The following ACBD3 variants were observed in gnomAD, a reference collection of about 807,000 sequenced individuals.
ACBD3 encodes acyl-CoA binding domain containing 3, also known as Golgi resident protein GCP60.
Under a neutral mutation model 66.9 loss-of-function variants are expected in ACBD3, and 30 were observed. That is an observed-to-expected ratio of 0.45 (90% CI 0.34 to 0.61). The LOEUF (loss-of-function observed/expected upper bound fraction) is 0.61, where lower values mean the gene tolerates loss of function less well. ACBD3 is among the 20% of genes least tolerant of loss of function. The pLI, the probability that ACBD3 is intolerant of heterozygous loss-of-function variation, is 0.02. For synonymous variants in ACBD3, 278 were observed against 259.8 expected (o/e 1.07, Z -0.68); for missense variants, 544 against 664.5 (o/e 0.82, Z 1.99).
chr1:226,149,544 T>A (rs1392158727), intron 7 of ACBD3, among the ~76,000 whole-genome samples: 1 of 116,210 alleles, frequency 8.6e-6, no homozygotes, highest in South Asian at 3.0e-4. Flanking sequence ...TTTTTTTTTT[T>A]TTTTTTTTTT....
chr1:226,169,202 G>C (rs1659937204), intron 1 of ACBD3, among the ~76,000 whole-genome samples: 2 of 151,772 alleles, frequency 1.3e-5, no homozygotes, highest in South Asian at 4.2e-4. Context: ...TTGAAAAATA[G>C]CTCCAGCTCC....
chr1:226,186,074 G>T (rs866745010), intron 1 of ACBD3, among the ~76,000 whole-genome samples: 17 of 152,350 alleles, frequency 1.1e-4, no homozygotes, highest in African/African-American at 3.4e-4. Context: ...GGATCCTTTG[G>T]AAGAAAGTGG....
chr1:226,186,567 G>T lies in ACBD3; in HGVS notation c.109C>A (p.Pro37Thr). ...GGTGGCGAGGGCGGTGGCAGCGGTG[G>T]CGGCAGCAGCGGGGCGCCCTCCGCC... Reference protein sequence around the residue: ...PGAEGAPLLPPPLPPPSPPGS... With the variant: ...PGAEGAPLLPTPLPPPSPPGS... The change falls in exon 1 of 8, where the codon CCA (proline) becomes ACA (threonine). Residue 37 changes from proline to threonine, a missense_variant. Physicochemically the swap from Pro to Thr is conservative, Grantham distance 38. This residue lies in a region of ACBD3 where 137 missense variants were observed against 145.9 expected (regional missense o/e 0.94). Coordinates refer to ENST00000366812, the MANE Select transcript of ACBD3 (RefSeq NM_022735.4). The T allele has an allele frequency of 7.4e-7, 1 of 1,360,340 alleles. No homozygotes were observed. Among genetic ancestry groups the T allele is most frequent in the South Asian group, 1.8e-5 (1 of 54,652 alleles). 84.3% of individuals were successfully genotyped at this position (1,360,340 alleles called of 1,614,324 possible).
chr1:226,160,618 C>T (rs1659753844), intron 4 of ACBD3, among the ~76,000 whole-genome samples: 1 of 152,210 alleles, frequency 6.6e-6, no homozygotes, highest in African/African-American at 2.4e-5. Context: ...TTCTGAGGAA[C>T]TACCCAGAAA....
At chr1:226,160,841 G>T (rs901871305) in intron 4 of ACBD3, among the ~76,000 whole-genome samples, 2 of 152,150 alleles carry the variant, frequency 1.3e-5, no homozygotes, top group African/African-American at 4.8e-5. Context: ...TTGTACTAAG[G>T]ACTATAAATG....
chr1:226,166,265 C>T (rs1303969766), intron 1 of ACBD3, among the ~76,000 whole-genome samples: 2 of 151,906 alleles, frequency 1.3e-5, no homozygotes, highest in Non-Finnish European at 2.9e-5. Flanking sequence ...AAATGACCCT[C>T]CCACCTCAGC....
At chr1:226,182,242 A>T (rs1469084051) in intron 1 of ACBD3, among the ~76,000 whole-genome samples, 2 of 150,680 alleles carry the variant, frequency 1.3e-5, no homozygotes, top group Non-Finnish European at 3.0e-5. Flanking sequence ...AAAAAAAAAG[A>T]ATTGAGCAAC....
At position 226,149,149 on chromosome 1, in the gene ACBD3, C is replaced by A. The variant is rs996137948; in HGVS notation, c.1376-2328G>T. On this transcript the variant is annotated intron_variant, in intron 7 of 7. Coordinates refer to ENST00000366812, the MANE Select transcript of ACBD3 (RefSeq NM_022735.4). ...CTAGGCAGTAACCACCTTTTAGAAG[C>A]TCTCTAATAGGCAAGCCAGGAGAAA... Among the ~76,000 whole-genome samples the A allele has an allele frequency of 8.5e-5, 13 of 152,262 alleles. No individual in the cohort carries two copies. In the South Asian group the frequency reaches 1.0e-3, roughly 12 times the overall value.
intron 3 of ACBD3, among the ~76,000 whole-genome samples, chr1:226,162,822 G>C (rs368475913): frequency 6.7e-6 from 1 of 150,046 alleles, no homozygotes; most frequent in African/African-American, 2.5e-5. Context: ...TTTGAGACAG[G>C]GTCTCACTCT....
intron 5 of ACBD3, among the ~76,000 whole-genome samples, chr1:226,158,367 T>C (rs1319846320): frequency 2.6e-5 from 4 of 152,244 alleles, no homozygotes; most frequent in Non-Finnish European, 4.4e-5. Flanking sequence ...AGGTATTTTA[T>C]GCCTGCACAA....
chr1:226,173,757 C>CTTT lies in ACBD3; in HGVS notation c.287-7760_287-7758dup, dbSNP rs145462202. Among the ~76,000 whole-genome samples the CTTT allele has an allele frequency of 3.9e-3, 342 of 88,308 alleles. 6 individuals carry two copies. The highest frequency in any genetic ancestry group is 8.3e-3 in the Middle Eastern group (1 of 120). The allele number at this position is 88,308 out of a possible 152,430, so 57.9% of individuals were successfully genotyped here. On this transcript the variant is annotated intron_variant, in intron 1 of 7. Coordinates refer to ENST00000366812, the MANE Select transcript of ACBD3 (RefSeq NM_022735.4). ...TAATTTTCTTCTTTTTTTTTCTTTT[C>CTTT]TTTTTTTTTTTTTTTTTTTTTGAGA...
intron 4 of ACBD3, among the ~76,000 whole-genome samples, chr1:226,161,299 C>T (rs1050621398): frequency 1.3e-5 from 2 of 152,006 alleles, no homozygotes; most frequent in African/African-American, 4.8e-5. Flanking sequence ...CCACTGCGCC[C>T]AGCTAATTTT....
At position 226,161,588 on chromosome 1, in the gene ACBD3, C is replaced by T. The variant is rs767804126; in HGVS notation, c.671G>A (p.Arg224Gln). The change falls in exon 4 of 8, where the codon CGG (arginine) becomes CAG (glutamine). Residue 224 changes from arginine to glutamine, a missense_variant. By Grantham distance (43) the Arg-to-Gln change is conservative (BLOSUM62 1). This residue lies in a region of ACBD3 where 383 missense variants were observed against 462.4 expected (regional missense o/e 0.83). Coordinates refer to ENST00000366812, the MANE Select transcript of ACBD3 (RefSeq NM_022735.4). ...TATCCGTCTCCTTTCCTCTTCCTCC[C>T]GTCGAAGCCTTTCCTCTTCTTCTCT... ...RRREEEERLRREEEERRRIEE... is the reference protein window; with the variant it reads ...RRREEEERLRQEEEERRRIEE... The T allele has an allele frequency of 8.7e-6, 14 of 1,613,964 alleles. No homozygotes were observed. Among genetic ancestry groups the T allele is most frequent in the East Asian group, 2.2e-5 (1 of 44,896 alleles).
chr1:226,180,975 G>A (rs1240066285), intron 1 of ACBD3, among the ~76,000 whole-genome samples: 5 of 149,898 alleles, frequency 3.3e-5, no homozygotes, highest in Non-Finnish European at 5.9e-5. Context: ...CTCCAGCCTC[G>A]GTGACAGAAT....
At chr1:226,159,076 T>TA in intron 5 of ACBD3, 108 bp downstream of exon 5, 1 of 1,283,784 alleles carries the variant, frequency 7.8e-7, no homozygotes, top group Non-Finnish European at 1.1e-6. Flanking sequence ...CTTTACACCT[T>TA]AGAGGCTAAC....
Position 226,152,432 on chromosome 1 carries a change from G to A in ACBD3, c.1278C>T (p.Asp426=), listed in dbSNP as rs149458367. 1.9e-4 allele frequency: 312 copies of A among 1,614,134 alleles called. 1 individual carries two copies. The East Asian group carries it at 6.5e-3, about 34-fold the overall frequency. ...LFWEFATDNY[D]IGFGVYFEWT... is the part of the protein sequence containing the mutation. ...ATTCAAAATACACCCCAAACCCAAT[G>A]TCATAATTGTCTGTGGCAAATTCCC... The change falls in exon 7 of 8, where the codon GAC becomes GAT. Residue 426 remains aspartate, a synonymous_variant. Transcript: ENST00000366812.
intron 1 of ACBD3, among the ~76,000 whole-genome samples, chr1:226,169,948 G>A (rs543664788): frequency 4.1e-4 from 61 of 147,996 alleles, no homozygotes; most frequent in Non-Finnish European, 6.2e-4. Flanking sequence ...TCGCTTGAAC[G>A]AGATGGAGGT....
rs1659423771 is a variant in ACBD3, at chr1:226,145,177, GAACA to G, written c.*1429_*1432del. Reference sequence around the variant, plus strand: ...TTAAGAAAAAAAAAATCCAGTTTCTGAACAACCAAAAGAGAACAGAGTTAGATAT... The same window carrying G: ...TTAAGAAAAAAAAAATCCAGTTTCTGACCAAAAGAGAACAGAGTTAGATAT... On this transcript the variant is annotated 3_prime_UTR_variant, in exon 8 of 8. Coordinates refer to ENST00000366812, the MANE Select transcript of ACBD3 (RefSeq NM_022735.4). The G allele has an allele frequency of 6.6e-6, 1 of 152,210 alleles. No individual in the cohort carries two copies. Among genetic ancestry groups the G allele is most frequent in the Non-Finnish European group, 1.5e-5 (1 of 67,960 alleles). 9.4% of individuals were successfully genotyped at this position (152,210 alleles called of 1,614,324 possible). A position where few individuals can be genotyped will look rare whatever the true frequency, so the allele number is the denominator to read the frequency against.
chr1:226,186,663 G>C lies in ACBD3; in HGVS notation c.13C>G (p.Leu5Val). The change falls in exon 1 of 8, where the codon CTG becomes GTG. Residue 5 changes from leucine to valine, a missense_variant. By Grantham distance (32) the Leu-to-Val change is conservative. Around this residue, in one of 3 missense-constraint regions of ACBD3, gnomAD observed 137 missense variants for 145.9 expected, o/e 0.94. Transcript: ENST00000366812. ...GACACCTCGAGTCGCTCTGCGTTCA[G>C]CACCGCCGCCATCTCCGGCTGCTGC... is the stretch of plus-strand genomic sequence containing the variant. MAAV[L>V]NAERLEVSVD... The C allele has an allele frequency of 1.3e-6, 2 of 1,506,236 alleles. No individual in the cohort carries two copies. Among genetic ancestry groups the C allele is most frequent in the Non-Finnish European group, 8.8e-7 (1 of 1,133,336 alleles). 93.3% of individuals were successfully genotyped at this position (1,506,236 alleles called of 1,614,324 possible).
Sources: gnomAD v4.1 joint callset for allele counts (sites outside exome capture counted in the v4.1 genomes callset) on GRCh38, gnomAD v4.1.1 for gene constraint, gnomAD v4.1.1 regional missense constraint, MANE v1.5 for transcripts, NCBI Gene and HGNC (gene_info 2026-07-23, HGNC 2026-07-21) for gene names.